Variants in PLXND1 observed in about 807,000 individuals in gnomAD.
PLXND1 encodes the protein plexin-D1.
In PLXND1, 54 loss-of-function variants were observed where a neutral mutation model predicts 197.7. The ratio of observed to expected loss-of-function variants is 0.27; its 90% CI spans 0.22 to 0.34. PLXND1 has a LOEUF of 0.34. PLXND1 is among the 10% of genes least tolerant of loss of function. The pLI is 1.00. For missense variants in PLXND1, 2,127 were observed against 2,699.2 expected, an observed-to-expected ratio of 0.79 and a Z score of 4.70; for synonymous variants, 1,180 against 1,161.2, an observed-to-expected ratio of 1.02 and a Z score of -0.33.
chr3:129,589,468 C>T lies in PLXND1; in HGVS notation c.1371G>A (p.Leu457=). 1 of 1,610,050 alleles carries T rather than the reference C, an allele frequency of 6.2e-7. No individual in the cohort carries two copies. Among genetic ancestry groups the T allele is most frequent in the Non-Finnish European group, 8.5e-7 (1 of 1,178,720 alleles). The change falls in exon 2 of 36, where the codon CTG becomes CTA. Residue 457 remains leucine, a synonymous_variant. Coordinates refer to ENST00000324093, the MANE Select transcript of PLXND1 (RefSeq NM_015103.3). ...AAHLQHPLSI[L]QPLKATPVFR... ...ACACGGGCGTGGCCTTCAGGGGCTGCAGGATGGACAGCGGGTGCTGCAGGT... is the reference window on the plus strand; with the variant it reads ...ACACGGGCGTGGCCTTCAGGGGCTGTAGGATGGACAGCGGGTGCTGCAGGT...
chr3:129,603,325 T>G (rs1159161060), intron 1 of PLXND1, among the ~76,000 whole-genome samples: 2 of 152,136 alleles, frequency 1.3e-5, no homozygotes, highest in Admixed American at 6.5e-5. Flanking sequence ...GGTGAGTCAC[T>G]GCACCGAGGG....
At chr3:129,560,286 G>A (rs1578304360) in intron 31 of PLXND1, 44 bp downstream of exon 31, 2 of 1,259,364 alleles carry the variant, frequency 1.6e-6, no homozygotes, top group Non-Finnish European at 2.3e-6. Flanking sequence ...TGGGGCTGGA[G>A]CCTTGTACCC....
Position 129,560,713 on chromosome 3 carries a change from C to A in PLXND1, c.5004G>T (p.Leu1668Phe). ...KDNTLGRVKD[L>F]DTEKYFHLVL... ...CCAAATGGAAATACTTCTCTGTGTC[C>A]AAGTCTTTCACTGTGAGAGGAAAAA... is the stretch of plus-strand genomic sequence containing the variant. The change falls in exon 30 of 36, where the codon TTG (leucine) becomes TTT (phenylalanine). Residue 1668 changes from leucine to phenylalanine, a missense_variant. By Grantham distance (22) the Leu-to-Phe change is conservative. Around this residue, in one of 6 missense-constraint regions of PLXND1, gnomAD observed 53 missense variants for 41.4 expected, o/e 1.28. Transcript: ENST00000324093. 6.3e-7 allele frequency: 1 copy of A among 1,599,060 alleles called. No homozygotes were observed. Among genetic ancestry groups the A allele is most frequent in the Admixed American group, 1.7e-5 (1 of 60,006 alleles).
At chr3:129,581,237 A>G (rs1340066600) in intron 8 of PLXND1, among the ~76,000 whole-genome samples, 2 of 152,214 alleles carry the variant, frequency 1.3e-5, no homozygotes, top group Non-Finnish European at 2.9e-5. Flanking sequence ...TAAATGCCAA[A>G]TTAAACATCA....
intron 8 of PLXND1, among the ~76,000 whole-genome samples, chr3:129,580,580 C>G (rs1315788551): frequency 6.6e-6 from 1 of 152,080 alleles, no homozygotes; most frequent in Admixed American, 6.5e-5. Context: ...AGGAGGCGCT[C>G]TCACAAGAGG....
chr3:129,595,504 G>T (rs2085607119), intron 1 of PLXND1, among the ~76,000 whole-genome samples: 1 of 152,236 alleles, frequency 6.6e-6, no homozygotes. Context: ...ACCATGGTCA[G>T]GAAGCCTGGC....
In PLXND1 at chr3:129,558,199, G is replaced by C. The variant is rs1231047070; in HGVS notation, c.5445+229C>G. Among the ~76,000 whole-genome samples the C allele has an allele frequency of 6.6e-6, 1 of 152,254 alleles. No homozygotes were observed. The highest frequency in any genetic ancestry group is 1.5e-5 in the Non-Finnish European group (1 of 68,046). The stretch of plus-strand genomic sequence containing the variant: ...CCAGTGCCAGGCACAGCTGCAGCAT[G>C]TGCAGTTGGTCTGCAGCGATACAGA... On this transcript the variant is annotated intron_variant, in intron 33 of 35. Coordinates refer to ENST00000324093, the MANE Select transcript of PLXND1 (RefSeq NM_015103.3). The surrounding 1 kb of genome is among the most constrained non-coding windows in gnomAD (Gnocchi z 4.1).
chr3:129,595,085 G>C (rs1268370439), intron 1 of PLXND1, among the ~76,000 whole-genome samples: 5 of 151,854 alleles, frequency 3.3e-5, no homozygotes. Flanking sequence ...CAGTCCTCCT[G>C]GGCTCCCCTG....
chr3:129,605,087 C>T (rs144291045), intron 1 of PLXND1, among the ~76,000 whole-genome samples: 171 of 152,310 alleles, frequency 1.1e-3, no homozygotes, highest in African/African-American at 4.0e-3. Context: ...TAGGTATGCG[C>T]GCCCATGAGC....
chr3:129,565,589 G>A (rs1228994830), intron 24 of PLXND1, 51 bp from the exon 25 acceptor site: 4 of 1,470,886 alleles, frequency 2.7e-6, no homozygotes, highest in Admixed American at 1.7e-5. Context: ...TAGGAGCTGT[G>A]GGTCCCAGGG....
In PLXND1 at chr3:129,571,801, G is replaced by C. The variant is rs150425885; in HGVS notation, c.3121C>G (p.Leu1041Val). 1,192 of 1,613,078 alleles carry C rather than the reference G, an allele frequency of 7.4e-4. 3 individuals carry two copies. Among genetic ancestry groups the C allele is most frequent in the Non-Finnish European group, 9.4e-4 (1,113 of 1,179,874 alleles). The change falls in exon 16 of 36, where the codon CTG becomes GTG. Residue 1041 changes from leucine to valine, a missense_variant. Around this residue, in one of 6 missense-constraint regions of PLXND1, gnomAD observed 1,095 missense variants for 1,259.8 expected, o/e 0.87. Transcript: ENST00000324093. ...SIACTMPEGA[L>V]PAPVPVCVRF... ...ACACACACAGGCACCGGAGCCGGCA[G>C]GGCCCCCTCAGGCATGGTGCAGGCG...
At chr3:129,563,356 T>C in intron 25 of PLXND1, 116 bp from the exon 26 acceptor site, 2 of 819,160 alleles carry the variant, frequency 2.4e-6, no homozygotes, top group Non-Finnish European at 3.7e-6. Flanking sequence ...TCCTTTTGGA[T>C]CCTGGTGTCA....
intron 29 of PLXND1, 64 bp downstream of exon 29, chr3:129,561,582 G>A: frequency 1.6e-6 from 2 of 1,232,238 alleles, no homozygotes; most frequent in East Asian, 2.5e-5. Context: ...CCCCACTGGG[G>A]CATGGGATGG....
intron 34 of PLXND1, 154 bp from the exon 35 acceptor site, chr3:129,556,845 G>C (rs1487322949): frequency 1.1e-4 from 77 of 699,580 alleles, no homozygotes; most frequent in Non-Finnish European, 4.9e-6. Context: ...GGACGAAGAC[G>C]GCTTCCCGGA....
chr3:129,569,145 GATAA>G (rs1459393907), intron 20 of PLXND1: 1 of 152,256 alleles, frequency 6.6e-6, no homozygotes, highest in African/African-American at 2.4e-5. Context: ...CCTTCTTACG[GATAA>G]ATAATTTTCC....
At position 129,605,322 on chromosome 3, in the gene PLXND1, G is replaced by C; in HGVS notation, c.1311+7C>G. 2.2e-6 allele frequency: 3 copies of C among 1,366,482 alleles called. No individual in the cohort carries two copies. In the Admixed American group the frequency reaches 1.0e-4, roughly 45 times the overall value. The allele number at this position is 1,366,482 out of a possible 1,614,324, so 84.6% of individuals were successfully genotyped here. The stretch of plus-strand genomic sequence containing the variant: ...CCGCCGCCGCCGCCGCCACCGCCCG[G>C]GTGTACCTGGATGTTGAGCTTGCGC... On this transcript the variant is annotated splice_region_variant and intron_variant, in intron 1 of 35. Transcript: ENST00000324093.
At position 129,559,469 on chromosome 3, in the gene PLXND1, G is replaced by A. The variant is rs2085025009; in HGVS notation, c.5297+151C>T. 5 of 628,616 alleles carry A rather than the reference G, an allele frequency of 8.0e-6. No individual in the cohort carries two copies. In the East Asian group the frequency reaches 1.4e-4, roughly 17 times the overall value. 38.9% of individuals were successfully genotyped at this position (628,616 alleles called of 1,614,324 possible). Reference sequence around the variant, plus strand: ...TGGAGGGGAAACTGAAGCACAGAGAGGCTAAGTCACTCATCCGAGAACACA... The same window carrying A: ...TGGAGGGGAAACTGAAGCACAGAGAAGCTAAGTCACTCATCCGAGAACACA... On this transcript the variant is annotated intron_variant, in intron 32 of 35. Coordinates refer to ENST00000324093, the MANE Select transcript of PLXND1 (RefSeq NM_015103.3).
chr3:129,570,441 G>A (rs1345180184), intron 19 of PLXND1, among the ~76,000 whole-genome samples: 1 of 152,150 alleles, frequency 6.6e-6, no homozygotes, highest in Non-Finnish European at 1.5e-5. Flanking sequence ...CATGCAAGGA[G>A]ATAGTGTTCT....
intron 1 of PLXND1, among the ~76,000 whole-genome samples, chr3:129,593,179 C>T (rs747816959): frequency 2.6e-5 from 4 of 152,140 alleles, no homozygotes; most frequent in South Asian, 2.1e-4. Context: ...TGGCTGTCCT[C>T]GGGATCAAGC....
Sources: gnomAD v4.1 joint callset for allele counts (sites outside exome capture counted in the v4.1 genomes callset) on GRCh38, gnomAD v4.1.1 for gene constraint, gnomAD v4.1.1 regional missense constraint, Gnocchi (gnomAD v3.1) non-coding constraint, MANE v1.5 for transcripts, NCBI Gene and HGNC (gene_info 2026-07-23, HGNC 2026-07-21) for gene names.